Variants in ATP8A1 observed in about 807,000 individuals in gnomAD.
The protein encoded by ATP8A1 is phospholipid-transporting ATPase IA.
In ATP8A1, 90 loss-of-function variants were observed where a neutral mutation model predicts 177.7. The observed-to-expected ratio is 0.51, with a 90% CI of 0.43 to 0.60. The LOEUF (loss-of-function observed/expected upper bound fraction) is 0.60. ATP8A1 is among the 20% of genes least tolerant of loss of function. The pLI is 0.00. For missense variants in ATP8A1, 1,072 were observed against 1,392.8 expected, an observed-to-expected ratio of 0.77 and a Z score of 3.67; for synonymous variants, 493 against 485.9, an observed-to-expected ratio of 1.01 and a Z score of -0.19.
intron 14 of ATP8A1, among the ~76,000 whole-genome samples, chr4:42,571,185 G>T (rs750997786): frequency 6.6e-6 from 1 of 152,118 alleles, no homozygotes; most frequent in Non-Finnish European, 1.5e-5. Context: ...GAAATTTCTC[G>T]TGGTGAGTCT....
rs900686580 is a variant in ATP8A1 at position 42,411,342 on chromosome 4, C to T, written c.*1574G>A. On this transcript the variant is annotated 3_prime_UTR_variant, in exon 37 of 37. Coordinates refer to ENST00000381668, the MANE Select transcript of ATP8A1 (RefSeq NM_006095.2). The stretch of plus-strand genomic sequence containing the variant: ...ATGTGAAAATATTAAACTCGAGAAG[C>T]GATCTGAAAAAAAATCACCTCTTCT... The T allele has an allele frequency of 7.2e-5, 11 of 151,808 alleles. No individual in the cohort carries two copies. The highest frequency in any genetic ancestry group is 4.8e-5 in the African/African-American group (2 of 41,338). The allele number at this position is 151,808 out of a possible 1,614,324, so 9.4% of individuals were successfully genotyped here.
rs777922151 is a variant in ATP8A1 at position 42,517,641 on chromosome 4, T to A, written c.1947+4519A>T. Among the ~76,000 whole-genome samples the A allele has an allele frequency of 1.1e-4, 16 of 152,336 alleles. No homozygotes were observed. In the East Asian group the frequency reaches 3.1e-3, roughly 29 times the overall value. The stretch of plus-strand genomic sequence containing the variant: ...CAAGTTAGGCCTTCCTACTAATCAA[T>A]GTCACCTCTTGATTTATTTAGTAAC... On this transcript the variant is annotated intron_variant, in intron 22 of 36. Transcript: ENST00000381668.
chr4:42,471,066 C>CA (rs1288794713), intron 25 of ATP8A1, among the ~76,000 whole-genome samples: 31 of 150,568 alleles, frequency 2.1e-4, no homozygotes, highest in South Asian at 4.2e-4. Context: ...TAAGATACAG[C>CA]AAAAAAAAAC....
chr4:42,516,287 A>G (rs1725527050), intron 22 of ATP8A1, among the ~76,000 whole-genome samples: 1 of 152,214 alleles, frequency 6.6e-6, no homozygotes. Context: ...AAAAGGCTTG[A>G]CAGCAGAGTT....
chr4:42,449,289 ATAT>A (rs1312309140), intron 30 of ATP8A1, among the ~76,000 whole-genome samples: 3 of 152,350 alleles, frequency 2.0e-5, no homozygotes, highest in East Asian at 1.9e-4. Flanking sequence ...CAAATACAAA[ATAT>A]TATTAAGATG....
chr4:42,462,213 C>T (rs1318524940), intron 27 of ATP8A1, among the ~76,000 whole-genome samples: 1 of 152,182 alleles, frequency 6.6e-6, no homozygotes, highest in African/African-American at 2.4e-5. Flanking sequence ...TAATGAGAAG[C>T]CAAATGTTAA....
chr4:42,623,885 T>C lies in ATP8A1; in HGVS notation c.363+651A>G, dbSNP rs533374476. 1.9e-3 allele frequency among the ~76,000 whole-genome samples: 289 copies of C among 152,138 alleles called. 1 individual carries two copies. The highest frequency in any genetic ancestry group is 6.7e-3 in the African/African-American group (278 of 41,494). ...CTCTCCTTCTCTCTCTCTATATATATATGAAGTAGTTTAAAAGAACAGGAA... is the reference window on the plus strand; with the variant it reads ...CTCTCCTTCTCTCTCTCTATATATACATGAAGTAGTTTAAAAGAACAGGAA... On this transcript the variant is annotated intron_variant, in intron 4 of 36. Coordinates refer to ENST00000381668, the MANE Select transcript of ATP8A1 (RefSeq NM_006095.2).
At chr4:42,521,733 T>C (rs1726148742) in intron 22 of ATP8A1, among the ~76,000 whole-genome samples, 1 of 152,230 alleles carries the variant, frequency 6.6e-6, no homozygotes, top group Non-Finnish European at 1.5e-5. Context: ...ATTACTCTCA[T>C]ATATATTATC....
chr4:42,555,139 A>ATCTATCTATCTAATCAATCTATCT (rs1553903246), intron 16 of ATP8A1, among the ~76,000 whole-genome samples: 2 of 59,528 alleles, frequency 3.4e-5, no homozygotes, highest in East Asian at 8.5e-4. Flanking sequence ...CTATCTATCT[A>ATCTATCTATCTAATCAATCTATCT]ATCTATCTAT....
At chr4:42,481,279 CCAG>C (rs2153188181) in intron 25 of ATP8A1, among the ~76,000 whole-genome samples, 1 of 152,258 alleles carries the variant, frequency 6.6e-6, no homozygotes, top group Admixed American at 6.5e-5. Context: ...GTCCTCTGGC[CCAG>C]CAGCTTTCCA....
At chr4:42,641,680 T>C (rs1740009854) in intron 1 of ATP8A1, among the ~76,000 whole-genome samples, 1 of 152,164 alleles carries the variant, frequency 6.6e-6, no homozygotes, top group African/African-American at 2.4e-5. Context: ...AAGATAGAAC[T>C]GAATTACAGC....
chr4:42,649,202 A>C (rs1458147717), intron 1 of ATP8A1, among the ~76,000 whole-genome samples: 1 of 152,196 alleles, frequency 6.6e-6, no homozygotes, highest in Non-Finnish European at 1.5e-5. Flanking sequence ...AGCTGTCATA[A>C]AATTAATAAA....
chr4:42,459,517 C>A, intron 27 of ATP8A1: 1 of 351,996 alleles, frequency 2.8e-6, no homozygotes, highest in Non-Finnish European at 5.7e-6. Flanking sequence ...TTGTTATTTG[C>A]TTGAATGTCA....
At chr4:42,612,278 G>A (rs957097868) in intron 5 of ATP8A1, among the ~76,000 whole-genome samples, 1 of 151,564 alleles carries the variant, frequency 6.6e-6, no homozygotes, top group African/African-American at 2.4e-5. Flanking sequence ...GTATACTGAA[G>A]TATTTATCTG....
chr4:42,460,669 G>A (rs925528475), intron 27 of ATP8A1, among the ~76,000 whole-genome samples: 15 of 152,226 alleles, frequency 9.9e-5, no homozygotes, highest in Admixed American at 2.0e-4. Context: ...TTACAGGCGT[G>A]AGCCAACGCA....
intron 35 of ATP8A1, among the ~76,000 whole-genome samples, chr4:42,421,333 T>A (rs145987670): frequency 5.3e-4 from 81 of 152,214 alleles, no homozygotes; most frequent in African/African-American, 1.8e-3. Flanking sequence ...CTATTATATT[T>A]TTGAACAAAC....
intron 18 of ATP8A1, 52 bp from the exon 19 acceptor site, chr4:42,549,114 T>G: frequency 7.0e-7 from 1 of 1,421,722 alleles, no homozygotes; most frequent in Non-Finnish European, 9.8e-7. Context: ...GTCTTAAGCT[T>G]CTAGGAAATA....
chr4:42,512,468 T>C (rs1725101954), intron 22 of ATP8A1, among the ~76,000 whole-genome samples: 2 of 152,140 alleles, frequency 1.3e-5, no homozygotes, highest in African/African-American at 2.4e-5. Flanking sequence ...TTCACAAATA[T>C]ACTCCAAGCA....
intron 5 of ATP8A1, among the ~76,000 whole-genome samples, chr4:42,608,953 C>T (rs1736098356): frequency 6.6e-6 from 1 of 152,158 alleles, no homozygotes; most frequent in African/African-American, 2.4e-5. Flanking sequence ...CACAAACTGA[C>T]ATGGCACAGG....
Sources: gnomAD v4.1 joint callset for allele counts (sites outside exome capture counted in the v4.1 genomes callset) on GRCh38, gnomAD v4.1.1 for gene constraint, MANE v1.5 for transcripts, NCBI Gene and HGNC (gene_info 2026-07-23, HGNC 2026-07-21) for gene names.